Variants in HTR4 observed in about 807,000 individuals in gnomAD.
HTR4 encodes the protein 5-hydroxytryptamine receptor 4.
HTR4 carries 16 observed loss-of-function variants against 36.8 expected under a neutral mutation model. That is an observed-to-expected ratio of 0.43 (90% CI 0.29 to 0.66). The LOEUF (loss-of-function observed/expected upper bound fraction) is 0.66. HTR4 is among the 30% of genes least tolerant of loss of function. HTR4 has a pLI of 0.13. For missense variants in HTR4, 438 were observed against 490.9 expected (o/e 0.89, Z 1.02); for synonymous variants, 189 against 185.1 (o/e 1.02, Z -0.17).
chr5:148,611,401 C>A (rs1752420742), intron 2 of HTR4, among the ~76,000 whole-genome samples: 1 of 147,784 alleles, frequency 6.8e-6, no homozygotes, highest in Admixed American at 6.7e-5. Context: ...GAATTTTCAA[C>A]CCAGAATTTC....
chr5:148,518,389 ATAAT>A (rs1757860477), intron 5 of HTR4, among the ~76,000 whole-genome samples: 2 of 152,188 alleles, frequency 1.3e-5, no homozygotes, highest in Admixed American at 6.6e-5. Context: ...GGCTCGATAA[ATAAT>A]TAATTATAGA....
chr5:148,621,858 C>G (rs1055230094), intron 2 of HTR4, among the ~76,000 whole-genome samples: 3 of 152,176 alleles, frequency 2.0e-5, no homozygotes, highest in Non-Finnish European at 4.4e-5. Context: ...CCTTGGTGAT[C>G]TGGTCCATCC....
intron 4 of HTR4, among the ~76,000 whole-genome samples, chr5:148,540,149 T>A (rs944890176): frequency 1.3e-5 from 2 of 151,784 alleles, no homozygotes; most frequent in African/African-American, 4.8e-5. Context: ...ATGTTCTCGT[T>A]TATAAATGGG....
intron 5 of HTR4, among the ~76,000 whole-genome samples, chr5:148,464,908 A>G (rs1755384428): frequency 1.3e-5 from 2 of 152,368 alleles, no homozygotes; most frequent in African/African-American, 2.4e-5. Flanking sequence ...GAAATGAGCT[A>G]TCAAACCATG....
chr5:148,504,615 C>T lies in HTR4; in HGVS notation c.1076+4841G>A, dbSNP rs368056982. 9.9e-4 allele frequency among the ~76,000 whole-genome samples: 151 copies of T among 152,144 alleles called. 4 individuals are homozygous for T. The East Asian group carries it at 0.027, about 27-fold the overall frequency. The stretch of plus-strand genomic sequence containing the variant: ...CAGCAAGAGCAAACACATTCAAAAG[C>T]TAGCAGAAGGCAAGAAATAACTAAG... On this transcript the variant is annotated intron_variant, in intron 6 of 6. Transcript: ENST00000377888.
intron 2 of HTR4, among the ~76,000 whole-genome samples, chr5:148,634,015 A>G (rs1283914701): frequency 6.6e-6 from 1 of 152,210 alleles, no homozygotes; most frequent in East Asian, 1.9e-4. Context: ...ACCAAGCTGA[A>G]TTAGAAAACT....
chr5:148,593,248 G>A (rs1221710736), intron 2 of HTR4, among the ~76,000 whole-genome samples: 2 of 152,154 alleles, frequency 1.3e-5, no homozygotes, highest in African/African-American at 2.4e-5. Flanking sequence ...TCCCTTCAGA[G>A]GAGTATCAAG....
At chr5:148,514,615 G>T (rs977557330) in intron 5 of HTR4, among the ~76,000 whole-genome samples, 66 of 152,238 alleles carry the variant, frequency 4.3e-4, no homozygotes, top group African/African-American at 1.5e-3. Flanking sequence ...TCTGCATCCA[G>T]TGTGAATATA....
intron 2 of HTR4, among the ~76,000 whole-genome samples, chr5:148,574,079 CT>C (rs1760787987): frequency 6.6e-6 from 1 of 152,060 alleles, no homozygotes; most frequent in Admixed American, 6.6e-5. Context: ...ATCATTGCTC[CT>C]TTTCCCGCAG....
intron 2 of HTR4, among the ~76,000 whole-genome samples, chr5:148,571,159 A>G (rs1403245837): frequency 6.6e-6 from 1 of 152,128 alleles, no homozygotes; most frequent in Non-Finnish European, 1.5e-5. Flanking sequence ...ATTTGTTTGT[A>G]ATTATCTAAT....
chr5:148,570,013 C>T (rs1230699179), intron 2 of HTR4, among the ~76,000 whole-genome samples: 1 of 152,118 alleles, frequency 6.6e-6, no homozygotes, highest in Non-Finnish European at 1.5e-5. Flanking sequence ...CTCTGGCCAA[C>T]ACCTAAGTCT....
rs1249300722 is a variant in HTR4, at chr5:148,483,170, C to T, written c.*33G>A. On this transcript the variant is annotated 3_prime_UTR_variant, in exon 7 of 7. Coordinates refer to ENST00000377888, the MANE Select transcript of HTR4 (RefSeq NM_000870.7). ...TTAGGACCTGGCCCTCTTTCGGAGG[C>T]ATGGCTGTCTTCTGGGTCATTGTCC... The T allele has an allele frequency of 1.2e-6, 2 of 1,613,700 alleles. No homozygotes were observed. Among genetic ancestry groups the T allele is most frequent in the African/African-American group, 2.7e-5 (2 of 74,920 alleles).
chr5:148,497,760 T>C (rs757002567), intron 6 of HTR4, among the ~76,000 whole-genome samples: 1 of 152,198 alleles, frequency 6.6e-6, no homozygotes, highest in Non-Finnish European at 1.5e-5. Flanking sequence ...GAATCTGAGT[T>C]TGCACATTTG....
At chr5:148,484,165 C>T in intron 6 of HTR4, 1 of 1,328,120 alleles carries the variant, frequency 7.5e-7, no homozygotes, top group Middle Eastern at 1.9e-4. Flanking sequence ...AAATAATCTA[C>T]AATGGTAGAT....
rs751138733 is a variant in HTR4, at chr5:148,509,955, C to T, written c.577G>A (p.Ala193Thr). ...AAGGCCACCACAGAGCAGGTGATGG[C>T]GTAGGGCTTGTTGACCATGAAGACA... ...YCVFMVNKPY[A>T]ITCSVVAFYI... The change falls in exon 6 of 7, where the codon GCC becomes ACC. Residue 193 changes from alanine to threonine, a missense_variant. Physicochemically the swap from Ala to Thr is moderately conservative, Grantham distance 58. Transcript: ENST00000377888. 3.7e-6 allele frequency: 6 copies of T among 1,613,750 alleles called. No homozygotes were observed. Among genetic ancestry groups the T allele is most frequent in the East Asian group, 2.2e-5 (1 of 44,800 alleles).
intron 2 of HTR4, among the ~76,000 whole-genome samples, chr5:148,616,332 G>T (rs182392406): frequency 1.2e-4 from 18 of 152,332 alleles, no homozygotes. Flanking sequence ...AAGCGGGAAA[G>T]TAGGTAAAAA....
chr5:148,611,553 G>T (rs1297320003), intron 2 of HTR4, among the ~76,000 whole-genome samples: 1 of 141,086 alleles, frequency 7.1e-6, no homozygotes, highest in Non-Finnish European at 1.5e-5. Flanking sequence ...GGAACAACCG[G>T]TACCAGCCAC....
chr5:148,547,551 TAAAATAAAATA>T (rs1235627854), intron 4 of HTR4, among the ~76,000 whole-genome samples: 24 of 105,272 alleles, frequency 2.3e-4, no homozygotes, highest in African/African-American at 8.4e-4. Flanking sequence ...TAAAATAAAA[TAAAATAAAATA>T]AAATAAATAA....
At chr5:148,484,594 T>C (rs186106326) in intron 6 of HTR4, among the ~76,000 whole-genome samples, 1 of 152,328 alleles carries the variant, frequency 6.6e-6, no homozygotes, top group East Asian at 1.9e-4. Flanking sequence ...CCCTGAGATA[T>C]GACACATCTT....
Sources: allele counts gnomAD v4.1 joint callset (sites outside exome capture counted in the v4.1 genomes callset), GRCh38; gene constraint gnomAD v4.1.1; transcripts MANE v1.5; gene names NCBI Gene and HGNC (gene_info 2026-07-23, HGNC 2026-07-21).